Variants in GSG1L observed in about 807,000 individuals in gnomAD.
GSG1L encodes germ cell-specific gene 1-like protein.
GSG1L carries 24 observed loss-of-function variants against 42.1 expected under a neutral mutation model. The ratio of observed to expected loss-of-function variants is 0.57; its 90% confidence interval spans 0.41 to 0.80. GSG1L has a LOEUF of 0.80. Among genes scored for constraint, GSG1L ranks in the 30% least tolerant of loss-of-function variants. The pLI, the probability that GSG1L is intolerant of heterozygous loss-of-function variation, is 0.00. For synonymous variants in GSG1L, 215 were observed against 203.5 expected, an observed-to-expected ratio of 1.06 and a Z score of -0.48; for missense variants, 445 against 472.2, an observed-to-expected ratio of 0.94 and a Z score of 0.53.
At chr16:27,794,008 T>C (rs2082788831) in intron 6 of GSG1L, among the ~76,000 whole-genome samples, 2 of 145,246 alleles carry the variant, frequency 1.4e-5, no homozygotes, top group Admixed American at 1.4e-4. Flanking sequence ...CTAAACTGTT[T>C]TTTTGTTTGT....
chr16:27,838,535 G>A (rs2083344637), intron 4 of GSG1L, among the ~76,000 whole-genome samples: 1 of 152,152 alleles, frequency 6.6e-6, no homozygotes, highest in Non-Finnish European at 1.5e-5. Flanking sequence ...GTGGTGACAG[G>A]GGTTGTCAAT....
chr16:27,867,962 CT>C (rs1262307059), intron 3 of GSG1L, among the ~76,000 whole-genome samples: 1 of 152,274 alleles, frequency 6.6e-6, no homozygotes, highest in Non-Finnish European at 1.5e-5. Context: ...GCTACACTCA[CT>C]CCACTAAGTC....
chr16:27,813,696 G>T (rs1045860573), intron 5 of GSG1L, among the ~76,000 whole-genome samples: 6 of 152,220 alleles, frequency 3.9e-5, no homozygotes, highest in African/African-American at 1.4e-4. Flanking sequence ...CAGGGTCTTG[G>T]CCGCCCTCTG....
chr16:27,890,167 G>T (rs1460909829), intron 2 of GSG1L, among the ~76,000 whole-genome samples: 1 of 152,166 alleles, frequency 6.6e-6, no homozygotes, highest in Non-Finnish European at 1.5e-5. Context: ...TCTTATTCAA[G>T]ATATTCTCTG....
intron 3 of GSG1L, among the ~76,000 whole-genome samples, chr16:27,849,222 A>AAG (rs1567485118): frequency 6.8e-6 from 1 of 146,382 alleles, no homozygotes; most frequent in African/African-American, 2.5e-5. Flanking sequence ...AAAAAAAAAA[A>AAG]AGAGAAAAGA....
rs1226483010 is a variant in GSG1L at position 27,922,064 on chromosome 16, TAAAC to T, written c.398-37430_398-37427del. On this transcript the variant is annotated intron_variant, in intron 2 of 6. Coordinates refer to ENST00000447459, the MANE Select transcript of GSG1L (RefSeq NM_001109763.2). Reference sequence around the variant, plus strand: ...TTCAGTGCTGGTGATCAGAACATAATAAACAAATTAATCAACATTTCATTTATTT... The same window carrying T: ...TTCAGTGCTGGTGATCAGAACATAATAAATTAATCAACATTTCATTTATTT... Among the ~76,000 whole-genome samples the T allele has an allele frequency of 2.0e-5, 3 of 147,540 alleles. No individual in the cohort carries two copies. In the Admixed American group the frequency reaches 2.1e-4, roughly 10 times the overall value.
intron 3 of GSG1L, among the ~76,000 whole-genome samples, chr16:27,853,081 GA>G (rs1011659602): frequency 7.2e-5 from 11 of 151,998 alleles, no homozygotes; most frequent in South Asian, 2.1e-4. Context: ...GCCTCCCGCG[GA>G]AAAAAAACTT....
At chr16:27,978,098 G>A (rs1457822827) in intron 1 of GSG1L, among the ~76,000 whole-genome samples, 1 of 152,162 alleles carries the variant, frequency 6.6e-6, no homozygotes, top group Non-Finnish European at 1.5e-5. Flanking sequence ...CAGGCACATC[G>A]AGACTGCCAT....
chr16:27,871,273 C>T (rs1232517121), intron 3 of GSG1L, among the ~76,000 whole-genome samples: 1 of 152,182 alleles, frequency 6.6e-6, no homozygotes, highest in Non-Finnish European at 1.5e-5. Context: ...CAGCAGAGAA[C>T]AATCTGGTCC....
At chr16:27,960,902 A>G (rs533016506) in intron 2 of GSG1L, among the ~76,000 whole-genome samples, 85 of 152,222 alleles carry the variant, frequency 5.6e-4, no homozygotes, top group African/African-American at 2.0e-3. Flanking sequence ...GCCAAGCCCT[A>G]AAAGTAAAAT....
chr16:28,031,221 AGGATGGGATG>A (rs74986650), intron 1 of GSG1L, among the ~76,000 whole-genome samples: 2 of 69,392 alleles, frequency 2.9e-5, no homozygotes, highest in Non-Finnish European at 5.4e-5. Flanking sequence ...GAGATGGAAT[AGGATGGGATG>A]GGATGGGATG....
intron 1 of GSG1L, among the ~76,000 whole-genome samples, chr16:27,979,698 G>GAGAGAGAGAGAGAGA (rs1567542882): frequency 1.2e-4 from 4 of 34,016 alleles, no homozygotes; most frequent in African/African-American, 4.5e-4. Flanking sequence ...AAGGAAGGAA[G>GAGAGAGAGAGAGAGA]GAAGGAAGGA....
chr16:27,991,605 A>T (rs897630361), intron 1 of GSG1L, among the ~76,000 whole-genome samples: 2 of 151,894 alleles, frequency 1.3e-5, no homozygotes, highest in Non-Finnish European at 2.9e-5. Context: ...AGGTTTCGCC[A>T]TGTTGGTCAG....
At chr16:27,894,836 G>A (rs1246400139) in intron 2 of GSG1L, among the ~76,000 whole-genome samples, 5 of 152,132 alleles carry the variant, frequency 3.3e-5, no homozygotes, top group African/African-American at 1.2e-4. Context: ...GAGCAGAGTC[G>A]GGTGGGAGGC....
intron 6 of GSG1L, among the ~76,000 whole-genome samples, chr16:27,800,758 C>T (rs989310024): frequency 1.3e-5 from 2 of 152,046 alleles, no homozygotes; most frequent in East Asian, 1.9e-4. Context: ...GTGGGAGAAA[C>T]GTGGAGGTTG....
intron 2 of GSG1L, among the ~76,000 whole-genome samples, chr16:27,956,780 A>G (rs1347100694): frequency 2.0e-5 from 3 of 152,206 alleles, no homozygotes; most frequent in African/African-American, 2.4e-5. Flanking sequence ...TAAACTCAAG[A>G]AAACCCACAG....
rs376241466 is a variant in GSG1L at position 28,059,490 on chromosome 16, A to G, written c.349+3586T>C. ...CCCAAGACCCCTCCACCTCCCCCCA[A>G]TCTTCCCAAGCCACCCCTTTCCTGC... On this transcript the variant is annotated intron_variant, in intron 1 of 6. Coordinates refer to ENST00000447459, the MANE Select transcript of GSG1L (RefSeq NM_001109763.2). The surrounding 1 kb of genome is among the most constrained non-coding windows in gnomAD (Gnocchi z 4.4). 6.0e-5 allele frequency among the ~76,000 whole-genome samples: 9 copies of G among 149,116 alleles called. No individual in the cohort carries two copies. In the South Asian group the frequency reaches 1.1e-3, roughly 18 times the overall value.
In GSG1L at chr16:27,895,256, C is replaced by T. The variant is rs192318067; in HGVS notation, c.398-10618G>A. ...TTCGTTTGCAAAATGGGCAAATGCACAATACTGGAACTGCATCATCACGTG... is the reference window on the plus strand; with the variant it reads ...TTCGTTTGCAAAATGGGCAAATGCATAATACTGGAACTGCATCATCACGTG... On this transcript the variant is annotated intron_variant, in intron 2 of 6. Coordinates refer to ENST00000447459, the MANE Select transcript of GSG1L (RefSeq NM_001109763.2). Among the ~76,000 whole-genome samples, 30 of 152,132 alleles carry T rather than the reference C, an allele frequency of 2.0e-4. No individual in the cohort carries two copies. In the East Asian group the frequency reaches 5.4e-3, roughly 28 times the overall value.
At chr16:28,045,339 G>A (rs1255780680) in intron 1 of GSG1L, among the ~76,000 whole-genome samples, 2 of 152,078 alleles carry the variant, frequency 1.3e-5, no homozygotes, top group East Asian at 3.9e-4. Context: ...GGGATGTGTC[G>A]ATACTCCATG....
Sources: gnomAD v4.1 joint callset for allele counts (sites outside exome capture counted in the v4.1 genomes callset) on GRCh38, gnomAD v4.1.1 for gene constraint, Gnocchi (gnomAD v3.1) non-coding constraint, MANE v1.5 for transcripts, NCBI Gene and HGNC (gene_info 2026-07-23, HGNC 2026-07-21) for gene names.